Variants in TENM3 observed in about 807,000 individuals in gnomAD.
The protein encoded by TENM3 is teneurin-3.
TENM3 carries 63 observed loss-of-function variants against 255.1 expected under a neutral mutation model. The ratio of observed to expected loss-of-function variants is 0.25; its 90% confidence interval spans 0.20 to 0.30. The LOEUF is 0.30. Among genes scored for constraint, TENM3 ranks in the 10% least tolerant of loss-of-function variants. TENM3 has a pLI of 1.00. For synonymous variants in TENM3, 1,306 were observed against 1,322.3 expected (o/e 0.99, Z 0.27); for missense variants, 2,929 against 3,461.1 (o/e 0.85, Z 3.86).
At chr4:181,982,341 A>G in the TENM3 span, among the ~76,000 whole-genome samples, 5 of 152,198 alleles carry the variant, frequency 3.3e-5, 1 homozygote, top group African/African-American at 1.2e-4. Context: ...ACTTGTCTTC[A>G]ATAGGAAAAA....
the TENM3 span, among the ~76,000 whole-genome samples, chr4:181,563,039 A>C: frequency 6.6e-6 from 1 of 152,212 alleles, no homozygotes; most frequent in African/African-American, 2.4e-5. Flanking sequence ...CTGGGACTTC[A>C]TCATATGACC....
the TENM3 span, among the ~76,000 whole-genome samples, chr4:182,125,400 T>G: frequency 6.6e-6 from 1 of 152,206 alleles, no homozygotes; most frequent in Non-Finnish European, 1.5e-5. Flanking sequence ...AGTGCTTCCT[T>G]TAACACCGGA....
At chr4:182,085,737 A>AT in the TENM3 span, among the ~76,000 whole-genome samples, 1 of 152,198 alleles carries the variant, frequency 6.6e-6, no homozygotes, top group East Asian at 1.9e-4. Context: ...CCATTCTTTA[A>AT]TTTTACTAAA....
chr4:181,936,081 G>A, the TENM3 span, among the ~76,000 whole-genome samples: 1 of 152,102 alleles, frequency 6.6e-6, no homozygotes, highest in Non-Finnish European at 1.5e-5. Context: ...TCAGTGCTGA[G>A]TGCTTTATTT....
chr4:182,391,633 T>C (rs1768431413), intron 3 of TENM3, among the ~76,000 whole-genome samples: 3 of 152,242 alleles, frequency 2.0e-5, no homozygotes, highest in Admixed American at 6.5e-5. Context: ...TTAATGATTA[T>C]GCAGCTCGTA....
At chr4:182,348,766 G>A (rs1471364920) in intron 3 of TENM3, among the ~76,000 whole-genome samples, 3 of 151,994 alleles carry the variant, frequency 2.0e-5, no homozygotes, top group African/African-American at 7.3e-5. Flanking sequence ...ATCTCATGGT[G>A]GATCCCCAAA....
chr4:182,106,900 A>T, the TENM3 span, among the ~76,000 whole-genome samples: 1 of 152,086 alleles, frequency 6.6e-6, no homozygotes, highest in African/African-American at 2.4e-5. Flanking sequence ...TCAAGACAAA[A>T]ACTTGGAATA....
chr4:182,331,581 C>G (rs1220989693), intron 2 of TENM3, among the ~76,000 whole-genome samples: 1 of 152,020 alleles, frequency 6.6e-6, no homozygotes, highest in Non-Finnish European at 1.5e-5. Context: ...TGCATTTTGA[C>G]ATAAACTACT....
intron 2 of TENM3, among the ~76,000 whole-genome samples, chr4:182,328,633 G>A (rs1448741153): frequency 2.0e-5 from 3 of 152,154 alleles, no homozygotes; most frequent in African/African-American, 4.8e-5. Flanking sequence ...GTTTGAGAAC[G>A]ACAGGCACTG....
At chr4:181,746,989 T>C in the TENM3 span, among the ~76,000 whole-genome samples, 1 of 152,130 alleles carries the variant, frequency 6.6e-6, no homozygotes, top group Non-Finnish European at 1.5e-5. Flanking sequence ...TCTCTGCATA[T>C]GTATATATTT....
chr4:181,723,621 T>G, the TENM3 span, among the ~76,000 whole-genome samples: 1 of 152,176 alleles, frequency 6.6e-6, no homozygotes, highest in African/African-American at 2.4e-5. Flanking sequence ...TCAAAAGTTC[T>G]TCTGACTTTA....
At chr4:182,714,314 C>CA (rs1758981844) in intron 13 of TENM3, 81 bp downstream of exon 13, 5 of 121,848 alleles carry the variant, frequency 4.1e-5, no homozygotes, top group Non-Finnish European at 6.0e-5. Context: ...ATATCTGTTG[C>CA]CAAAAAAAAA....
the TENM3 span, among the ~76,000 whole-genome samples, chr4:182,084,131 C>T: frequency 6.6e-6 from 1 of 152,058 alleles, no homozygotes; most frequent in Non-Finnish European, 1.5e-5. Flanking sequence ...CATACACGCA[C>T]ACACTAAGAA....
chr4:181,886,653 C>A, the TENM3 span, among the ~76,000 whole-genome samples: 1 of 152,002 alleles, frequency 6.6e-6, no homozygotes, highest in Admixed American at 6.6e-5. Flanking sequence ...CTGTACATTA[C>A]CATCATTAAG....
At chr4:181,591,762 G>T in the TENM3 span, among the ~76,000 whole-genome samples, 2 of 152,286 alleles carry the variant, frequency 1.3e-5, no homozygotes, top group South Asian at 2.1e-4. Flanking sequence ...AAGGCCTGAT[G>T]AAACCACCAC....
At chr4:182,518,958 T>A (rs1444685762) in intron 3 of TENM3, among the ~76,000 whole-genome samples, 1 of 152,212 alleles carries the variant, frequency 6.6e-6, no homozygotes. Flanking sequence ...CTGGAAGTTT[T>A]TTCTAATTCT....
chr4:182,464,193 A>G (rs1385430218), intron 3 of TENM3, among the ~76,000 whole-genome samples: 2 of 152,138 alleles, frequency 1.3e-5, no homozygotes, highest in African/African-American at 4.8e-5. Context: ...AATATGAACT[A>G]TTCAGCTATG....
At chr4:182,196,741 T>C (rs938561673) in intron 1 of TENM3, among the ~76,000 whole-genome samples, 12 of 152,314 alleles carry the variant, frequency 7.9e-5, no homozygotes, top group South Asian at 2.1e-4. Context: ...AGTTTTTCTT[T>C]TTCTTCTTTG....
chr4:181,750,234 A>T, the TENM3 span, among the ~76,000 whole-genome samples: 8 of 152,180 alleles, frequency 5.3e-5, no homozygotes, highest in Admixed American at 3.3e-4. Flanking sequence ...GGGGGGTAGA[A>T]GAACCTCAAG....
Sources: gnomAD v4.1 joint callset for allele counts (sites outside exome capture counted in the v4.1 genomes callset) on GRCh38, gnomAD v4.1.1 for gene constraint, MANE v1.5 for transcripts, NCBI Gene and HGNC (gene_info 2026-07-23, HGNC 2026-07-21) for gene names.